The following AK7 variants were observed in gnomAD, a reference collection of about 807,000 sequenced individuals.
The protein encoded by AK7 is ATP-AMP transphosphorylase 7.
AK7 carries 78 observed loss-of-function variants against 96.6 expected under a neutral mutation model. The observed-to-expected ratio is 0.81, with a 90% confidence interval of 0.67 to 0.97. The LOEUF (loss-of-function observed/expected upper bound fraction) is 0.97, where lower values mean the gene tolerates loss of function less well. Among genes scored for constraint, AK7 ranks in the 50% least tolerant of loss-of-function variants. AK7 has a pLI of 0.00. For missense variants in AK7, 855 were observed against 887.9 expected, an observed-to-expected ratio of 0.96 and a Z score of 0.47; for synonymous variants, 302 against 317.2, an observed-to-expected ratio of 0.95 and a Z score of 0.51.
intron 5 of AK7, among the ~76,000 whole-genome samples, chr14:96,436,177 A>T (rs1025395104): frequency 2.6e-5 from 4 of 152,188 alleles, no homozygotes; most frequent in Admixed American, 2.0e-4. Flanking sequence ...TGGGGGCAAG[A>T]AATGAGCCCT....
intron 4 of AK7, among the ~76,000 whole-genome samples, chr14:96,410,578 C>T (rs1310995447): frequency 6.6e-6 from 1 of 152,170 alleles, no homozygotes; most frequent in Admixed American, 6.6e-5. Context: ...GATGGTTCCC[C>T]AAAGAAAACA....
intron 5 of AK7, chr14:96,424,099 A>G: frequency 3.0e-6 from 2 of 673,524 alleles, no homozygotes; most frequent in Non-Finnish European, 5.6e-6. Flanking sequence ...GGGATCGGGC[A>G]CGGTGCTCCG....
chr14:96,468,296 C>CTTTTT (rs67009492), intron 12 of AK7, among the ~76,000 whole-genome samples: 44 of 98,546 alleles, frequency 4.5e-4, no homozygotes, highest in East Asian at 2.1e-3. Flanking sequence ...GCACTCTTTC[C>CTTTTT]TTTTTTTTTT....
In AK7 at chr14:96,408,899, G is replaced by A. The variant is rs2140006501; in HGVS notation, c.456G>A (p.Leu152=). 1 of 1,614,246 alleles carries A rather than the reference G, an allele frequency of 6.2e-7. No individual in the cohort carries two copies. Among genetic ancestry groups the A allele is most frequent in the South Asian group, 1.1e-5 (1 of 91,082 alleles). ...AAAAGCGAAAGCTATTTATTTTACT[G>A]TCGACGGTGATGACTTGGGCGCGCT... ...HFEKRKLFIL[L]STVMTWARSK... Residue 152 remains leucine, a synonymous_variant, in exon 4 of 18, where the codon CTG becomes CTA. Transcript: ENST00000267584.
In AK7 at chr14:96,419,784, C is replaced by CTTTCTTTTTTTTTTTTTTTTTT. The variant is rs1891563684; in HGVS notation, c.499-1035_499-1034insCTTTTTTTTTTTTTTTTTTTTT. 2.9e-5 allele frequency among the ~76,000 whole-genome samples: 3 copies of CTTTCTTTTTTTTTTTTTTTTTT among 101,714 alleles called. 1 individual carries two copies. Among genetic ancestry groups the CTTTCTTTTTTTTTTTTTTTTTT allele is most frequent in the African/African-American group, 1.4e-4 (3 of 21,110 alleles). The allele number at this position is 101,714 out of a possible 152,430, so 66.7% of individuals were successfully genotyped here. A position where few individuals can be genotyped will look rare whatever the true frequency, so the allele number is the denominator to read the frequency against. ...TCTCCTAAAGCATTTTTTTTTCTTT[C>CTTTCTTTTTTTTTTTTTTTTTT]TTTTCTTTTTTTTTTTTTTTTGAGA... On this transcript the variant is annotated intron_variant, in intron 4 of 17. Transcript: ENST00000267584.
chr14:96,466,873 G>C (rs918205149), intron 12 of AK7, among the ~76,000 whole-genome samples: 3 of 152,094 alleles, frequency 2.0e-5, no homozygotes, highest in Non-Finnish European at 4.4e-5. Context: ...TTATTAAAAT[G>C]CTGGCTTGAT....
At chr14:96,468,592 C>T (rs1355735951) in intron 12 of AK7, among the ~76,000 whole-genome samples, 1 of 151,910 alleles carries the variant, frequency 6.6e-6, no homozygotes, top group Admixed American at 6.6e-5. Flanking sequence ...CCACCACGCC[C>T]GGCCTGCACT....
chr14:96,452,985 T>C (rs557625194), intron 10 of AK7, among the ~76,000 whole-genome samples: 31 of 152,344 alleles, frequency 2.0e-4, no homozygotes, highest in African/African-American at 7.0e-4. Context: ...GAAAGTGTTT[T>C]GAAAACTGTA....
At chr14:96,465,699 T>C (rs1220409919) in intron 12 of AK7, among the ~76,000 whole-genome samples, 1 of 151,916 alleles carries the variant, frequency 6.6e-6, no homozygotes, top group African/African-American at 2.4e-5. Context: ...TTTATCCAAG[T>C]ATTCAAGTAG....
intron 5 of AK7, among the ~76,000 whole-genome samples, chr14:96,425,509 G>A (rs1371605834): frequency 8.1e-6 from 1 of 122,848 alleles, no homozygotes; most frequent in Admixed American, 1.0e-4. Context: ...TTGAGACAGA[G>A]TCTTGCTCTG....
At chr14:96,442,133 T>C (rs73349298) in intron 6 of AK7, among the ~76,000 whole-genome samples, 7,851 of 152,252 alleles carry the variant, frequency 0.052, 363 homozygotes, top group African/African-American at 0.13. Flanking sequence ...TCATGTCTGT[T>C]TGGTTACTGA....
At chr14:96,418,279 G>T (rs1209874118) in intron 4 of AK7, among the ~76,000 whole-genome samples, 1 of 128,856 alleles carries the variant, frequency 7.8e-6, no homozygotes, top group African/African-American at 3.0e-5. Flanking sequence ...CGCTGTGATT[G>T]TGCCACTGCG....
chr14:96,407,728 C>T lies in AK7; in HGVS notation c.404-1119C>T, dbSNP rs1890801945. Among the ~76,000 whole-genome samples, 3 of 151,980 alleles carry T rather than the reference C, an allele frequency of 2.0e-5. No individual in the cohort carries two copies. In the South Asian group the frequency reaches 6.2e-4, roughly 32 times the overall value. ...TCCCAAGTAGCTGGGACTACAGATG[C>T]CCGCCACCACGCCCAGCTAATTTTT... On this transcript the variant is annotated intron_variant, in intron 3 of 17. Transcript: ENST00000267584.
chr14:96,461,816 T>C (rs1595445068), intron 12 of AK7, among the ~76,000 whole-genome samples: 1 of 152,132 alleles, frequency 6.6e-6, no homozygotes, highest in Non-Finnish European at 1.5e-5. Flanking sequence ...AAACCCCTGG[T>C]CTCAAGTGAT....
intron 5 of AK7, among the ~76,000 whole-genome samples, chr14:96,426,731 C>G (rs1185275137): frequency 1.3e-5 from 2 of 152,202 alleles, no homozygotes; most frequent in East Asian, 3.8e-4. Flanking sequence ...TGTCATGCCA[C>G]TCTTTCCTGG....
chr14:96,488,114 T>C (rs1176150494), intron 17 of AK7, 191 bp from the exon 18 acceptor site: 1 of 462,040 alleles, frequency 2.2e-6, no homozygotes, highest in African/African-American at 2.0e-5. Context: ...AGTTTCACCA[T>C]GTTGACCAGG....
At chr14:96,425,793 C>G (rs538245902) in intron 5 of AK7, among the ~76,000 whole-genome samples, 1 of 152,168 alleles carries the variant, frequency 6.6e-6, no homozygotes, top group South Asian at 2.1e-4. Flanking sequence ...CGTAGTTTGT[C>G]TTGAAAACTA....
intron 12 of AK7, among the ~76,000 whole-genome samples, chr14:96,466,041 TACA>T (rs1894549339): frequency 6.8e-6 from 1 of 147,864 alleles, no homozygotes; most frequent in South Asian, 2.1e-4. Flanking sequence ...CCAAATGATA[TACA>T]ACATAGGAAG....
At chr14:96,449,053 G>C (rs1025559362) in intron 8 of AK7, among the ~76,000 whole-genome samples, 23 of 151,966 alleles carry the variant, frequency 1.5e-4, no homozygotes, top group Admixed American at 5.9e-4. Flanking sequence ...CACCTTCTCC[G>C]TGCGTCCTCA....
Sources: gnomAD v4.1 joint callset for allele counts (sites outside exome capture counted in the v4.1 genomes callset) on GRCh38, gnomAD v4.1.1 for gene constraint, MANE v1.5 for transcripts, NCBI Gene and HGNC (gene_info 2026-07-23, HGNC 2026-07-21) for gene names.